Variants in ELF2 observed in about 807,000 individuals in gnomAD.
ELF2 encodes E74 like ETS transcription factor 2.
A neutral mutation model predicts 54.8 loss-of-function variants in ELF2; 11 were observed. The observed-to-expected ratio is 0.20, with a 90% CI of 0.13 to 0.33. The LOEUF (loss-of-function observed/expected upper bound fraction) is 0.33, where lower values mean the gene tolerates loss of function less well. Among genes scored for constraint, ELF2 ranks in the 10% least tolerant of loss-of-function variants. ELF2 has a pLI of 1.00. For synonymous variants in ELF2, 203 were observed against 245.1 expected (o/e 0.83, Z 1.61); for missense variants, 513 against 703.0 (o/e 0.73, Z 3.06).
rs1424781538 is a variant in ELF2 at position 139,060,449 on chromosome 4, G to C, written c.1032C>G (p.Ser344=). The C allele has an allele frequency of 1.2e-6, 2 of 1,614,042 alleles. No homozygotes were observed. The highest frequency in any genetic ancestry group is 1.3e-5 in the African/African-American group (1 of 74,900). ...TCTCTGCTCTGGAGCAGTTTATAGG[G>C]GATGAATTTTTTCCACTGCGAACAG... The part of the protein sequence containing the change: ...ASSVRSGKNS[S]PINCSRAEKG... Residue 344 remains serine, a synonymous_variant, in exon 9 of 10, where the codon TCC becomes TCG. Transcript: ENST00000686138.
intron 4 of ELF2, among the ~76,000 whole-genome samples, chr4:139,096,393 C>T (rs947971554): frequency 6.6e-6 from 1 of 151,986 alleles, no homozygotes; most frequent in African/African-American, 2.4e-5. Flanking sequence ...AAGGAAGATG[C>T]ATATGTAAGA....
chr4:139,064,167 G>A (rs906341254), intron 7 of ELF2, among the ~76,000 whole-genome samples: 6 of 152,162 alleles, frequency 3.9e-5, no homozygotes, highest in African/African-American at 1.4e-4. Flanking sequence ...AATTAGCCAG[G>A]CATGATGGCG....
intron 1 of ELF2, among the ~76,000 whole-genome samples, chr4:139,152,520 G>A (rs1441620246): frequency 2.0e-5 from 3 of 151,908 alleles, no homozygotes; most frequent in Non-Finnish European, 4.4e-5. Context: ...CTATAGAGAT[G>A]GGGTCTCCCT....
upstream of ELF2, among the ~76,000 whole-genome samples, chr4:139,177,384 G>GCACCGC (rs917322051): frequency 6.6e-5 from 10 of 151,756 alleles, no homozygotes; most frequent in Admixed American, 6.6e-5. Flanking sequence ...GGCGGGGGCG[G>GCACCGC]CACCGCCAGT....
At chr4:139,175,563 TTGAAGA>T (rs1742819400) in intron 1 of ELF2, among the ~76,000 whole-genome samples, 1 of 152,252 alleles carries the variant, frequency 6.6e-6, no homozygotes, top group Non-Finnish European at 1.5e-5. Context: ...ATTCTACCTT[TTGAAGA>T]AACTCTGAAA....
intron 1 of ELF2, among the ~76,000 whole-genome samples, chr4:139,143,964 C>T (rs747682247): frequency 6.6e-6 from 1 of 151,884 alleles, no homozygotes; most frequent in Non-Finnish European, 1.5e-5. Context: ...AAAAAAAATT[C>T]CCACCCTCCT....
At chr4:139,087,888 TATC>T (rs1035592822) in intron 4 of ELF2, among the ~76,000 whole-genome samples, 2 of 152,224 alleles carry the variant, frequency 1.3e-5, no homozygotes, top group African/African-American at 2.4e-5. Flanking sequence ...AGTTGTTTAT[TATC>T]ATCAAAGAAT....
chr4:139,098,791 G>A (rs1412783139), intron 4 of ELF2, among the ~76,000 whole-genome samples: 1 of 151,990 alleles, frequency 6.6e-6, no homozygotes, highest in Non-Finnish European at 1.5e-5. Context: ...CTTAATTTTG[G>A]TTTATCTGTT....
intron 4 of ELF2, among the ~76,000 whole-genome samples, chr4:139,114,363 G>C (rs946202458): frequency 1.3e-5 from 2 of 152,112 alleles, no homozygotes; most frequent in African/African-American, 4.8e-5. Context: ...GAGGTCAGGA[G>C]ATCGAGACCA....
rs1252533733 is a variant in ELF2 at position 139,122,116 on chromosome 4, T to G, written c.238+3048A>C. ...ACTCCAATGAGAACATGCAGAGAAC[T>G]GTCAGAACAAGCCAATAAATATAAC... On this transcript the variant is annotated intron_variant, in intron 4 of 9. Coordinates refer to ENST00000686138, the MANE Select transcript of ELF2 (RefSeq NM_001331036.3). Among the ~76,000 whole-genome samples the G allele has an allele frequency of 2.0e-5, 3 of 152,354 alleles. No individual in the cohort carries two copies. The South Asian group carries it at 6.2e-4, about 32-fold the overall frequency.
At chr4:139,173,887 A>C (rs918580902) in intron 1 of ELF2, among the ~76,000 whole-genome samples, 7 of 151,906 alleles carry the variant, frequency 4.6e-5, no homozygotes, top group Non-Finnish European at 1.5e-5. Context: ...CAGGAGTTCA[A>C]GACTACCCTG....
At chr4:139,125,880 C>G (rs1243341170) in intron 3 of ELF2, among the ~76,000 whole-genome samples, 1 of 151,950 alleles carries the variant, frequency 6.6e-6, no homozygotes, top group Non-Finnish European at 1.5e-5. Flanking sequence ...ATTCCTAGAC[C>G]TTCTCTCTCC....
At chr4:139,139,195 T>A (rs950542189) in intron 2 of ELF2, among the ~76,000 whole-genome samples, 1 of 152,104 alleles carries the variant, frequency 6.6e-6, no homozygotes, top group Non-Finnish European at 1.5e-5. Flanking sequence ...TTCCAGAAAC[T>A]TCTAGAATAG....
At chr4:139,131,740 C>T (rs569181904) in intron 3 of ELF2, among the ~76,000 whole-genome samples, 5 of 151,372 alleles carry the variant, frequency 3.3e-5, no homozygotes, top group South Asian at 4.2e-4. Context: ...AATAATGGTG[C>T]ACTTGCTATG....
intron 4 of ELF2, among the ~76,000 whole-genome samples, chr4:139,124,187 A>G (rs1017698782): frequency 3.3e-5 from 5 of 152,142 alleles, no homozygotes; most frequent in Non-Finnish European, 2.9e-5. Context: ...TTGGCTGCCT[A>G]TTTTGATAAA....
Position 139,061,091 on chromosome 4 carries a change from A to G in ELF2, c.807-417T>C, listed in dbSNP as rs551069260. Reference sequence around the variant, plus strand: ...GAGATATGTGAATACTGTCACATAAACAATGTGTTCACTTAAAAACACCCT... The same window carrying G: ...GAGATATGTGAATACTGTCACATAAGCAATGTGTTCACTTAAAAACACCCT... On this transcript the variant is annotated intron_variant, in intron 8 of 9. Transcript: ENST00000686138. 2.0e-5 allele frequency among the ~76,000 whole-genome samples: 3 copies of G among 152,202 alleles called. No individual in the cohort carries two copies. The South Asian group carries it at 6.2e-4, about 32-fold the overall frequency.
In ELF2 at chr4:139,058,058, CAA is replaced by C. The variant is rs1317955497; in HGVS notation, c.*923_*924del. 6.6e-6 allele frequency: 1 copy of C among 152,246 alleles called. No homozygotes were observed. Among genetic ancestry groups the C allele is most frequent in the African/African-American group, 2.4e-5 (1 of 41,358 alleles). The allele number at this position is 152,246 out of a possible 1,614,324, so 9.4% of individuals were successfully genotyped here. A position where few individuals can be genotyped will look rare whatever the true frequency, so the allele number is the denominator to read the frequency against. On this transcript the variant is annotated 3_prime_UTR_variant, in exon 10 of 10. Transcript: ENST00000686138. ...AACTCCAGGTATTAGAGCTACCTGC[CAA>C]AAATTCATGCTGAGCCTGAACTTCC...
intron 1 of ELF2, among the ~76,000 whole-genome samples, chr4:139,163,737 A>C (rs1035319440): frequency 2.0e-5 from 3 of 152,066 alleles, no homozygotes; most frequent in Non-Finnish European, 2.9e-5. Flanking sequence ...AACACAATGA[A>C]ACCCCGTCTC....
In ELF2 at chr4:139,071,854, A is replaced by C. The variant is rs371820823; in HGVS notation, c.526+12T>G. ...TCACCTGCCTTCTCAGAAATGTATA[A>C]ATATACTCTACCTTTTTTCTTTTTC... On this transcript the variant is annotated intron_variant, in intron 6 of 9. Coordinates refer to ENST00000686138, the MANE Select transcript of ELF2 (RefSeq NM_001331036.3). 1 of 1,577,346 alleles carries C rather than the reference A, an allele frequency of 6.3e-7. No homozygotes were observed.
Sources: gnomAD v4.1 joint callset for allele counts (sites outside exome capture counted in the v4.1 genomes callset) on GRCh38, gnomAD v4.1.1 for gene constraint, MANE v1.5 for transcripts, NCBI Gene and HGNC (gene_info 2026-07-23, HGNC 2026-07-21) for gene names.